Variants in VPS13B observed in about 807,000 individuals in gnomAD.
The protein encoded by VPS13B is intermembrane lipid transfer protein VPS13B.
Under a neutral mutation model 426.4 loss-of-function variants are expected in VPS13B, and 285 were observed. The ratio of observed to expected loss-of-function variants is 0.67; its 90% CI spans 0.61 to 0.74. The LOEUF (loss-of-function observed/expected upper bound fraction) is 0.74, where lower values mean the gene tolerates loss of function less well. VPS13B is among the 30% of genes least tolerant of loss of function. The pLI, the probability that VPS13B is intolerant of heterozygous loss-of-function variation, is 0.00. For synonymous variants in VPS13B, 1,676 were observed against 1,676.4 expected (o/e 1.00, Z 0.01); for missense variants, 4,537 against 4,782.6 (o/e 0.95, Z 1.51).
intron 29 of VPS13B, among the ~76,000 whole-genome samples, chr8:99,514,090 G>T (rs1821931310): frequency 6.6e-6 from 1 of 152,070 alleles, no homozygotes; most frequent in Non-Finnish European, 1.5e-5. Flanking sequence ...TCAAATTTTT[G>T]TGGCAATACC....
At position 99,818,859 on chromosome 8, in the gene VPS13B, C is replaced by G; in HGVS notation, c.8592C>G (p.Asp2864Glu). 1 of 1,613,610 alleles carries G rather than the reference C, an allele frequency of 6.2e-7. No homozygotes were observed. The highest frequency in any genetic ancestry group is 1.7e-5 in the Admixed American group (1 of 59,964). Residue 2864 changes from aspartate to glutamate, a missense_variant, in exon 47 of 62, where the codon GAC (aspartate) becomes GAG (glutamate). By Grantham distance (45) the Asp-to-Glu change is conservative. This residue lies in a region of VPS13B where 4,311 missense variants were observed against 4,474.3 expected (regional missense o/e 0.96). Coordinates refer to ENST00000357162, the MANE Select transcript of VPS13B (RefSeq NM_152564.5). ...AACCACTGCAAAACATAGAACCTGA[C>G]CTTGTACATCACCTGACATTCCAAG... ...QEKPLQNIEPDLVHHLTFQAR... is the reference protein window; with the variant it reads ...QEKPLQNIEPELVHHLTFQAR...
chr8:99,600,019 A>G (rs1383889691), intron 33 of VPS13B, among the ~76,000 whole-genome samples: 3 of 152,120 alleles, frequency 2.0e-5, no homozygotes, highest in African/African-American at 4.8e-5. Context: ...GGTGAATTTT[A>G]TTGTTTACAA....
intron 23 of VPS13B, among the ~76,000 whole-genome samples, chr8:99,460,504 T>C (rs1204095454): frequency 6.6e-6 from 1 of 152,186 alleles, no homozygotes; most frequent in Non-Finnish European, 1.5e-5. Context: ...ATGAATACTA[T>C]ATCTGTAGAG....
intron 39 of VPS13B, among the ~76,000 whole-genome samples, chr8:99,748,418 C>G (rs1197767363): frequency 6.6e-6 from 1 of 151,960 alleles, no homozygotes; most frequent in Admixed American, 6.6e-5. Context: ...CCCTTAGCCA[C>G]CTGAAACCTA....
At chr8:99,490,382 C>T (rs561085208) in intron 25 of VPS13B, among the ~76,000 whole-genome samples, 1 of 152,238 alleles carries the variant, frequency 6.6e-6, no homozygotes, top group South Asian at 2.1e-4. Flanking sequence ...TGTGTCTCTG[C>T]CAGGCTTTGG....
At chr8:99,288,021 A>G (rs1819538195) in intron 19 of VPS13B, among the ~76,000 whole-genome samples, 2 of 152,030 alleles carry the variant, frequency 1.3e-5, no homozygotes, top group Admixed American at 1.3e-4. Context: ...GTATAAGGGT[A>G]TTTATGTCAG....
In VPS13B at chr8:99,084,469, T is replaced by C. The variant is rs529714148; in HGVS notation, c.292-11843T>C. ...TCTGTTTCCTTCAGTTCTGCTCTGA[T>C]TTTAGTTATTTCTTGCCTTCTGCTA... On this transcript the variant is annotated intron_variant, in intron 3 of 61. Transcript: ENST00000357162. Among the ~76,000 whole-genome samples, 312 of 152,302 alleles carry C rather than the reference T, an allele frequency of 2.0e-3. 3 individuals are homozygous for C. Among genetic ancestry groups the C allele is most frequent in the Admixed American group, 9.0e-3 (137 of 15,292 alleles).
intron 24 of VPS13B, among the ~76,000 whole-genome samples, chr8:99,469,350 A>AT (rs1342696208): frequency 1.3e-5 from 2 of 151,490 alleles, no homozygotes; most frequent in African/African-American, 4.8e-5. Context: ...TTTCATTTTT[A>AT]TTTTTTTGTA....
At chr8:99,412,844 T>C (rs1468036826) in intron 21 of VPS13B, among the ~76,000 whole-genome samples, 1 of 152,196 alleles carries the variant, frequency 6.6e-6, no homozygotes, top group Non-Finnish European at 1.5e-5. Context: ...GGTTTTGTCA[T>C]TGGTTCTGTT....
rs1231480349 is a variant in VPS13B at position 99,294,419 on chromosome 8, T to C, written c.2824+19165T>C. ...GTGGGGGGAGGGGGGAGAGATAGCA[T>C]TGGGAGATATACCTAATGCTAGATG... On this transcript the variant is annotated intron_variant, in intron 19 of 61. Transcript: ENST00000357162. Among the ~76,000 whole-genome samples, 14 of 136,148 alleles carry C rather than the reference T, an allele frequency of 1.0e-4. No individual in the cohort carries two copies. The East Asian group carries it at 1.1e-3, about 11-fold the overall frequency. 89.3% of individuals were successfully genotyped at this position (136,148 alleles called of 152,430 possible).
At chr8:99,249,180 C>A (rs1588173116) in intron 17 of VPS13B, among the ~76,000 whole-genome samples, 1 of 151,958 alleles carries the variant, frequency 6.6e-6, no homozygotes, top group African/African-American at 2.4e-5. Flanking sequence ...ACAGATCTAG[C>A]CAAGTTGTTG....
At chr8:99,109,363 T>G (rs1397141912) in intron 5 of VPS13B, among the ~76,000 whole-genome samples, 3 of 151,966 alleles carry the variant, frequency 2.0e-5, no homozygotes, top group Non-Finnish European at 4.4e-5. Flanking sequence ...CCTTGAAATT[T>G]GAATACTTCA....
intron 3 of VPS13B, among the ~76,000 whole-genome samples, chr8:99,076,453 T>TA (rs1281941376): frequency 1.3e-5 from 2 of 152,294 alleles, no homozygotes; most frequent in Admixed American, 1.3e-4. Context: ...GAGAGTGGGG[T>TA]ATTCAAATGC....
At chr8:99,199,168 A>G (rs1052666377) in intron 17 of VPS13B, among the ~76,000 whole-genome samples, 9 of 152,110 alleles carry the variant, frequency 5.9e-5, no homozygotes, top group African/African-American at 2.2e-4. Context: ...TGAAAGAAGA[A>G]CCATTATTAT....
At chr8:99,313,380 G>T (rs200028851) in intron 19 of VPS13B, among the ~76,000 whole-genome samples, 1 of 152,096 alleles carries the variant, frequency 6.6e-6, no homozygotes, top group Admixed American at 6.6e-5. Context: ...TAGTTTTCCT[G>T]CTAACAGTCA....
In VPS13B at chr8:99,815,944, G is replaced by T. The variant is rs137879846; in HGVS notation, c.8098-1596G>T. Reference sequence around the variant, plus strand: ...ACTCCTGGGCTCGAGTGATACTCCTGCCTCAGCCTCCCAAGTAGCTGTGAC... The same window carrying T: ...ACTCCTGGGCTCGAGTGATACTCCTTCCTCAGCCTCCCAAGTAGCTGTGAC... On this transcript the variant is annotated intron_variant, in intron 44 of 61. Transcript: ENST00000357162. Among the ~76,000 whole-genome samples the T allele has an allele frequency of 4.4e-3, 663 of 152,204 alleles. 15 individuals carry two copies. The East Asian group carries it at 0.061, about 14-fold the overall frequency.
chr8:99,699,528 A>G lies in VPS13B; in HGVS notation c.6050A>G (p.Asp2017Gly), dbSNP rs1157627196. The change falls in exon 36 of 62, where the codon GAT becomes GGT. Residue 2017 changes from aspartate to glycine, a missense_variant. Transcript: ENST00000357162. Reference protein sequence around the residue: ...QIKDFLNGPADVNLDISKPLK... With the variant: ...QIKDFLNGPAGVNLDISKPLK... ...TTTCTCTTTTTTACTTCTATAGCGG[A>G]TGTCAATTTGGATATATCAAAGCCT... 6.2e-7 allele frequency: 1 copy of G among 1,613,464 alleles called. No homozygotes were observed. The highest frequency in any genetic ancestry group is 8.5e-7 in the Non-Finnish European group (1 of 1,179,982).
rs76953219 is a variant in VPS13B at position 99,139,297 on chromosome 8, C to A, written c.1651+2545C>A. Among the ~76,000 whole-genome samples the A allele has an allele frequency of 3.9e-3, 594 of 152,074 alleles. 3 individuals carry two copies. The highest frequency in any genetic ancestry group is 6.2e-3 in the Non-Finnish European group (420 of 68,004). On this transcript the variant is annotated intron_variant, in intron 12 of 61. Transcript: ENST00000357162. ...ACCACTGTCTTGCTTTTGGTTTATCCCCATTTTACAGATGAGGAAACAGCA... is the reference window on the plus strand; with the variant it reads ...ACCACTGTCTTGCTTTTGGTTTATCACCATTTTACAGATGAGGAAACAGCA...
chr8:99,306,637 T>G (rs1024515158), intron 19 of VPS13B, among the ~76,000 whole-genome samples: 5 of 152,082 alleles, frequency 3.3e-5, no homozygotes, highest in African/African-American at 1.2e-4. Context: ...TAGTTTTCTG[T>G]GCTATTGGTG....
Sources: allele counts gnomAD v4.1 joint callset (sites outside exome capture counted in the v4.1 genomes callset), GRCh38; gene constraint gnomAD v4.1.1; regional missense constraint gnomAD v4.1.1; transcripts MANE v1.5; gene names NCBI Gene and HGNC (gene_info 2026-07-23, HGNC 2026-07-21).